RPS6KA1: variants seen among roughly 807,000 people sequenced by gnomAD.
RPS6KA1 encodes ribosomal protein S6 kinase A1, also known as ribosomal protein S6 kinase alpha-1.
In RPS6KA1, 48 loss-of-function variants were observed where a neutral mutation model predicts 91.3. The ratio of observed to expected loss-of-function variants is 0.53; its 90% CI spans 0.42 to 0.67. The LOEUF (loss-of-function observed/expected upper bound fraction) is 0.67, where lower values mean the gene tolerates loss of function less well. Ranked by LOEUF, RPS6KA1 falls within the 30% of genes least tolerant of loss-of-function variation. The pLI, the probability that RPS6KA1 is intolerant of heterozygous loss-of-function variation, is 0.00. For synonymous variants in RPS6KA1, 359 were observed against 384.7 expected (o/e 0.93, Z 0.78); for missense variants, 719 against 960.5 (o/e 0.75, Z 3.32).
chr1:26,555,300 C>G lies in RPS6KA1; in HGVS notation c.827+79C>G. The G allele has an allele frequency of 7.2e-7, 1 of 1,379,440 alleles. No homozygotes were observed. Among genetic ancestry groups the G allele is most frequent in the Non-Finnish European group, 1.0e-6 (1 of 977,010 alleles). 85.5% of individuals were successfully genotyped at this position (1,379,440 alleles called of 1,614,324 possible). On this transcript the variant is annotated intron_variant, in intron 10 of 21. Transcript: ENST00000374168. The surrounding 1 kb of genome is among the most constrained non-coding windows in gnomAD (Gnocchi z 4.3). ...GTTTGGGGGTCAGAATATTATTACC[C>G]TGTCCCTGCCTCAGCTACCCTCTCT...
chr1:26,561,412 C>CTCAT lies in RPS6KA1; in HGVS notation c.1432-92_1432-89dup, dbSNP rs1385289029. 16 of 1,521,570 alleles carry CTCAT rather than the reference C, an allele frequency of 1.1e-5. No homozygotes were observed. The Admixed American group carries it at 1.4e-4, about 13-fold the overall frequency. 94.3% of individuals were successfully genotyped at this position (1,521,570 alleles called of 1,614,324 possible). On this transcript the variant is annotated intron_variant, in intron 16 of 21. Coordinates refer to ENST00000374168, the MANE Select transcript of RPS6KA1 (RefSeq NM_002953.4). The surrounding 1 kb of genome is among the most constrained non-coding windows in gnomAD (Gnocchi z 5.7). ...GAGCAAGCAGAACACCTGCCCAAGG[C>CTCAT]TCATGTCATTCTTCCCTGCTCTGGG... is the stretch of plus-strand genomic sequence containing the variant.
intron 1 of RPS6KA1, among the ~76,000 whole-genome samples, chr1:26,532,439 C>G (rs1455657074): frequency 1.3e-5 from 2 of 152,128 alleles, no homozygotes; most frequent in African/African-American, 2.4e-5. Context: ...TCTCTTCCAC[C>G]AAGTGGGAGA....
intron 17 of RPS6KA1, among the ~76,000 whole-genome samples, chr1:26,567,895 G>A (rs886781217): frequency 5.3e-5 from 8 of 152,024 alleles, no homozygotes; most frequent in African/African-American, 7.2e-5. Context: ...GTTAAATGTC[G>A]TGCCCAAAAC....
At chr1:26,543,944 G>A in intron 2 of RPS6KA1, 1 of 399,922 alleles carries the variant, frequency 2.5e-6, no homozygotes, top group South Asian at 1.8e-5. Context: ...GTCCCCCTCA[G>A]GTCTTGGCAT....
Position 26,547,227 on chromosome 1 carries a change from G to A in RPS6KA1, c.264G>A (p.Gly88=), listed in dbSNP as rs1369871916. ...GGAAAGTCACCCGGCCTGACAGTGG[G>A]CACCTGTATGCTATGAAGGTGCTGA... ...LVRKVTRPDS[G]HLYAMKVLKK... Residue 88 remains glycine (G), a synonymous_variant, in exon 4 of 22, where the codon GGG becomes GGA. Coordinates refer to ENST00000374168, the MANE Select transcript of RPS6KA1 (RefSeq NM_002953.4). This position sits in a 1 kb window ranked among gnomAD's most constrained non-coding sequence, Gnocchi z 4.1. 6.2e-7 allele frequency: 1 copy of A among 1,614,050 alleles called. No individual in the cohort carries two copies. Among genetic ancestry groups the A allele is most frequent in the Non-Finnish European group, 8.5e-7 (1 of 1,180,020 alleles).
At position 26,555,595 on chromosome 1, in the gene RPS6KA1, C is replaced by T. The variant is rs1158250959; in HGVS notation, c.886C>T (p.Leu296=). The T allele has an allele frequency of 3.7e-6, 6 of 1,601,726 alleles. No individual in the cohort carries two copies. The highest frequency in any genetic ancestry group is 5.1e-6 in the Non-Finnish European group (6 of 1,173,534). ...STEAQSLLRA[L]FKRNPANRLG... is the part of the protein sequence containing the mutation. Reference sequence around the variant, plus strand: ...TGAAGCCCAGAGCCTCTTGCGGGCCCTGTTCAAGCGGAATCCTGCCAACCG... The same window carrying T: ...TGAAGCCCAGAGCCTCTTGCGGGCCTTGTTCAAGCGGAATCCTGCCAACCG... The change falls in exon 11 of 22, where the codon CTG becomes TTG. Residue 296 remains leucine (L), a synonymous_variant. Coordinates refer to ENST00000374168, the MANE Select transcript of RPS6KA1 (RefSeq NM_002953.4). This position sits in a 1 kb window ranked among gnomAD's most constrained non-coding sequence, Gnocchi z 4.3.
At chr1:26,549,690 C>CTTTTT (rs561375723) in intron 4 of RPS6KA1, among the ~76,000 whole-genome samples, 266 of 101,724 alleles carry the variant, frequency 2.6e-3, no homozygotes, top group Non-Finnish European at 3.4e-3. Flanking sequence ...AAAGCCTGTT[C>CTTTTT]TTTTTTTTTT....
intron 14 of RPS6KA1, 122 bp from the exon 15 acceptor site, chr1:26,560,604 C>T: frequency 7.8e-7 from 1 of 1,287,072 alleles, no homozygotes; most frequent in Non-Finnish European, 1.1e-6. Flanking sequence ...GGCCAACACT[C>T]TACCCCAAGT....
rs2124635943 is a variant in RPS6KA1 at position 26,551,322 on chromosome 1, A to G, written c.308-75A>G. On this transcript the variant is annotated intron_variant, in intron 4 of 21. Coordinates refer to ENST00000374168, the MANE Select transcript of RPS6KA1 (RefSeq NM_002953.4). This position sits in a 1 kb window ranked among gnomAD's most constrained non-coding sequence, Gnocchi z 4.5. ...GCCTGGAGGAACAAGTGGAAAAGAG[A>G]TCCCTTAGCGGGGGCTTGGGAGTGG... is the stretch of plus-strand genomic sequence containing the variant. 3 of 1,307,958 alleles carry G rather than the reference A, an allele frequency of 2.3e-6. No homozygotes were observed. In the East Asian group the frequency reaches 7.0e-5, roughly 30 times the overall value. 81.0% of individuals were successfully genotyped at this position (1,307,958 alleles called of 1,614,324 possible). A position where few individuals can be genotyped will look rare whatever the true frequency, so the allele number is the denominator to read the frequency against.
intron 21 of RPS6KA1, 149 bp downstream of exon 21, chr1:26,573,510 G>T: frequency 1.1e-6 from 1 of 920,626 alleles, no homozygotes; most frequent in Non-Finnish European, 1.7e-6. Context: ...TGCCGTCAGG[G>T]AGCCTAACAT....
At chr1:26,570,609 C>T (rs1344991731) in intron 17 of RPS6KA1, among the ~76,000 whole-genome samples, 1 of 152,126 alleles carries the variant, frequency 6.6e-6, no homozygotes, top group Non-Finnish European at 1.5e-5. Flanking sequence ...TTGCTTATGG[C>T]CTCAGCAGTA....
In RPS6KA1 at chr1:26,551,472, A is replaced by G. The variant is rs1189194027; in HGVS notation, c.383A>G (p.His128Arg). The change falls in exon 5 of 22, where the codon CAC becomes CGC. Residue 128 changes from histidine to arginine, a missense_variant. His to Arg is a conservative substitution (Grantham distance 29). Coordinates refer to ENST00000374168, the MANE Select transcript of RPS6KA1 (RefSeq NM_002953.4). This position sits in a 1 kb window ranked among gnomAD's most constrained non-coding sequence, Gnocchi z 4.5. ...AATCACCCATTCGTGGTGAAGCTGC[A>G]CTATGGTAAAGCTTCTGGCCCTGCC... ...DVNHPFVVKLHYAFQTEGKLY... is the reference protein window; with the variant it reads ...DVNHPFVVKLRYAFQTEGKLY... 3 of 1,614,106 alleles carry G rather than the reference A, an allele frequency of 1.9e-6. No individual in the cohort carries two copies. The highest frequency in any genetic ancestry group is 2.5e-6 in the Non-Finnish European group (3 of 1,179,976).
intron 4 of RPS6KA1, among the ~76,000 whole-genome samples, chr1:26,550,803 G>T (rs887275634): frequency 6.6e-6 from 1 of 152,160 alleles, no homozygotes; most frequent in Non-Finnish European, 1.5e-5. Context: ...AGAAGGTGAG[G>T]CCTAAGCTGA....
At chr1:26,557,207 G>T (rs1374494440) in intron 13 of RPS6KA1, 107 bp downstream of exon 13, 6 of 823,922 alleles carry the variant, frequency 7.3e-6, no homozygotes, top group Non-Finnish European at 1.0e-5. Context: ...ACAGGCCGAG[G>T]TATGCGGGTG....
In RPS6KA1 at chr1:26,574,765, A is replaced by G. The variant is rs551007355; in HGVS notation, c.*564A>G. The stretch of plus-strand genomic sequence containing the variant: ...CACTTCCTGCTACAGGAGGGGTCTC[A>G]TGTCCTGCTGGCTTCCAGCTTCAGG... On this transcript the variant is annotated 3_prime_UTR_variant, in exon 22 of 22. Coordinates refer to ENST00000374168, the MANE Select transcript of RPS6KA1 (RefSeq NM_002953.4). This position sits in a 1 kb window ranked among gnomAD's most constrained non-coding sequence, Gnocchi z 4.3. 2 of 266,848 alleles carry G rather than the reference A, an allele frequency of 7.5e-6. No homozygotes were observed. Among genetic ancestry groups the G allele is most frequent in the South Asian group, 6.8e-5 (2 of 29,626 alleles). 16.5% of individuals were successfully genotyped at this position (266,848 alleles called of 1,614,324 possible). A position where few individuals can be genotyped will look rare whatever the true frequency, so the allele number is the denominator to read the frequency against.
intron 6 of RPS6KA1, among the ~76,000 whole-genome samples, chr1:26,552,030 C>A (rs1419375703): frequency 1.3e-5 from 2 of 152,208 alleles, no homozygotes; most frequent in Non-Finnish European, 2.9e-5. Flanking sequence ...CCCAAAGTCA[C>A]CCAGAGAGCC....
intron 2 of RPS6KA1, among the ~76,000 whole-genome samples, chr1:26,542,938 T>C (rs1184656740): frequency 2.0e-5 from 3 of 152,072 alleles, no homozygotes; most frequent in East Asian, 3.9e-4. Context: ...TCAGAGGACA[T>C]AGGGAGAGGT....
chr1:26,546,901 A>G lies in RPS6KA1; in HGVS notation c.143A>G (p.His48Arg). 6.2e-7 allele frequency: 1 copy of G among 1,614,088 alleles called. No homozygotes were observed. The highest frequency in any genetic ancestry group is 8.5e-7 in the Non-Finnish European group (1 of 1,180,002). The change falls in exon 3 of 22, where the codon CAC becomes CGC. Residue 48 changes from histidine to arginine, a missense_variant. By Grantham distance (29) the His-to-Arg change is conservative. Around this residue, in one of 5 missense-constraint regions of RPS6KA1, gnomAD observed 159 missense variants for 264.5 expected, o/e 0.60. Transcript: ENST00000374168. ...GTCCTCAAGGAGATCTCCATCACGC[A>G]CCACGTCAAGGCTGGCTCTGAGAAG... is the stretch of plus-strand genomic sequence containing the variant. ...EGVLKEISIT[H>R]HVKAGSEKAD...
At chr1:26,541,460 T>A (rs2075947083) in intron 2 of RPS6KA1, among the ~76,000 whole-genome samples, 1 of 150,822 alleles carries the variant, frequency 6.6e-6, no homozygotes, top group Non-Finnish European at 1.5e-5. Context: ...GAGGCTGAGG[T>A]ACGAGAATCA....
Sources: allele counts gnomAD v4.1 joint callset (sites outside exome capture counted in the v4.1 genomes callset), GRCh38; gene constraint gnomAD v4.1.1; regional missense constraint gnomAD v4.1.1; non-coding constraint Gnocchi (gnomAD v3.1); transcripts MANE v1.5; gene names NCBI Gene and HGNC (gene_info 2026-07-23, HGNC 2026-07-21).